ATXN10: variants seen among roughly 807,000 people sequenced by gnomAD.
ATXN10 encodes ataxin-10.
A neutral mutation model predicts 52.9 loss-of-function variants in ATXN10; 28 were observed. The observed-to-expected ratio is 0.53, with a 90% confidence interval of 0.39 to 0.73. The LOEUF (loss-of-function observed/expected upper bound fraction) is 0.73. ATXN10 is among the 30% of genes least tolerant of loss of function. The pLI is 0.00. For missense variants in ATXN10, 565 were observed against 577.0 expected, an observed-to-expected ratio of 0.98 and a Z score of 0.21; for synonymous variants, 226 against 221.5, an observed-to-expected ratio of 1.02 and a Z score of -0.18.
Position 45,727,225 on chromosome 22 carries a change from G to A in ATXN10, c.729-2200G>A, listed in dbSNP as rs1283339278. Among the ~76,000 whole-genome samples the A allele has an allele frequency of 6.6e-6, 1 of 152,050 alleles. No homozygotes were observed. The highest frequency in any genetic ancestry group is 2.4e-5 in the African/African-American group (1 of 41,390). On this transcript the variant is annotated intron_variant, in intron 6 of 11. Coordinates refer to ENST00000252934, the MANE Select transcript of ATXN10 (RefSeq NM_013236.4). The surrounding 1 kb of genome is among the most constrained non-coding windows in gnomAD (Gnocchi z 4.6). ...CAGGAGCAGCTTGTTTAATTTCCGTGTATTTATGTAGTTTTGAGGGTTCCT... is the reference window on the plus strand; with the variant it reads ...CAGGAGCAGCTTGTTTAATTTCCGTATATTTATGTAGTTTTGAGGGTTCCT...
intron 6 of ATXN10, among the ~76,000 whole-genome samples, chr22:45,724,866 A>G (rs1924805531): frequency 6.6e-6 from 1 of 151,978 alleles, no homozygotes; most frequent in Non-Finnish European, 1.5e-5. Flanking sequence ...TCATTTTTCT[A>G]CCTGTGGCTA....
chr22:45,730,889 A>G (rs1925064749), intron 7 of ATXN10, among the ~76,000 whole-genome samples: 2 of 152,188 alleles, frequency 1.3e-5, no homozygotes, highest in Non-Finnish European at 2.9e-5. Context: ...AAAGCTCTTG[A>G]TACATACTTC....
At chr22:45,806,188 AGT>A (rs1398252475) in intron 9 of ATXN10, among the ~76,000 whole-genome samples, 12 of 152,126 alleles carry the variant, frequency 7.9e-5, no homozygotes, top group African/African-American at 2.9e-4. Context: ...AGTGTATGAG[AGT>A]GTCTGTTTCC....
chr22:45,752,116 T>G (rs1310947747), intron 9 of ATXN10, among the ~76,000 whole-genome samples: 1 of 152,230 alleles, frequency 6.6e-6, no homozygotes, highest in Non-Finnish European at 1.5e-5. Context: ...TTGGGAATAT[T>G]TTTTACTCCA....
At position 45,690,107 on chromosome 22, in the gene ATXN10, T is replaced by C. The variant is rs951566685; in HGVS notation, c.308+204T>C. Among the ~76,000 whole-genome samples the C allele has an allele frequency of 6.6e-6, 1 of 151,762 alleles. No individual in the cohort carries two copies. The highest frequency in any genetic ancestry group is 2.4e-5 in the African/African-American group (1 of 41,284). On this transcript the variant is annotated intron_variant, in intron 2 of 11. Transcript: ENST00000252934. The surrounding 1 kb of genome is among the most constrained non-coding windows in gnomAD (Gnocchi z 4.5). ...GGGCAACATGGTGAGACCCTGTCTCTACAAAAAAAATACAAAAAATTAGCT... is the reference window on the plus strand; with the variant it reads ...GGGCAACATGGTGAGACCCTGTCTCCACAAAAAAAATACAAAAAATTAGCT...
rs926233230 is a variant in ATXN10 at position 45,790,092 on chromosome 22, A to G, written c.1174-16867A>G. On this transcript the variant is annotated intron_variant, in intron 9 of 11. Coordinates refer to ENST00000252934, the MANE Select transcript of ATXN10 (RefSeq NM_013236.4). This position sits in a 1 kb window ranked among gnomAD's most constrained non-coding sequence, Gnocchi z 4.7. ...ATCCAAAGATAACATTGCATTTTAA[A>G]TTAAAGTCCAAAGGCATTAAAGTCC... is the stretch of plus-strand genomic sequence containing the variant. Among the ~76,000 whole-genome samples, 1 of 152,212 alleles carries G rather than the reference A, an allele frequency of 6.6e-6. No individual in the cohort carries two copies. Among genetic ancestry groups the G allele is most frequent in the Non-Finnish European group, 1.5e-5 (1 of 68,036 alleles).
At chr22:45,739,466 A>G (rs1925425685) in intron 8 of ATXN10, among the ~76,000 whole-genome samples, 1 of 152,238 alleles carries the variant, frequency 6.6e-6, no homozygotes, top group Admixed American at 6.5e-5. Flanking sequence ...CCTGAGAAAG[A>G]TGACTTTGTG....
chr22:45,671,949 G>T lies in ATXN10; in HGVS notation c.-115G>T, dbSNP rs1031384460. 1 of 1,224,066 alleles carries T rather than the reference G, an allele frequency of 8.2e-7. No homozygotes were observed. The allele number at this position is 1,224,066 out of a possible 1,614,324, so 75.8% of individuals were successfully genotyped here. A position where few individuals can be genotyped will look rare whatever the true frequency, so the allele number is the denominator to read the frequency against. ...GCGGCGGCGGTTAGGGCTGTGTAGG[G>T]CGAGGCCTCCCCCTTCCTCCTCGCC... On this transcript the variant is annotated 5_prime_UTR_variant, in exon 1 of 12. Transcript: ENST00000252934.
In ATXN10 at chr22:45,738,408, A is replaced by C. The variant is rs1381135612; in HGVS notation, c.895-323A>C. On this transcript the variant is annotated intron_variant, in intron 7 of 11. Transcript: ENST00000252934. Reference sequence around the variant, plus strand: ...TTGCATAAATGTCATGTACATAGCTAGTAATTTTGAACATTTATTCCACTG... The same window carrying C: ...TTGCATAAATGTCATGTACATAGCTCGTAATTTTGAACATTTATTCCACTG... 1.0e-5 allele frequency: 3 copies of C among 288,324 alleles called. No individual in the cohort carries two copies. The East Asian group carries it at 2.4e-4, about 23-fold the overall frequency. The allele number at this position is 288,324 out of a possible 1,614,324, so 17.9% of individuals were successfully genotyped here.
rs377125713 is a variant in ATXN10, at chr22:45,809,164, G to A, written c.1237+2142G>A. 7.2e-5 allele frequency among the ~76,000 whole-genome samples: 11 copies of A among 152,102 alleles called. No individual in the cohort carries two copies. In the South Asian group the frequency reaches 8.3e-4, roughly 11 times the overall value. On this transcript the variant is annotated intron_variant, in intron 10 of 11. Transcript: ENST00000252934. ...AGCTATAAATTAAAATCTGGCCTTC[G>A]TAGTACTAAAGTAAATAAGGACATG...
At chr22:45,776,255 C>T (rs1164383265) in intron 9 of ATXN10, among the ~76,000 whole-genome samples, 1 of 152,172 alleles carries the variant, frequency 6.6e-6, no homozygotes, top group African/African-American at 2.4e-5. Flanking sequence ...TCATAAACCA[C>T]CCACTTGTTG....
At position 45,688,515 on chromosome 22, in the gene ATXN10, C is replaced by T. The variant is rs116751672; in HGVS notation, c.117-1197C>T. Among the ~76,000 whole-genome samples, 1,167 of 152,224 alleles carry T rather than the reference C, an allele frequency of 7.7e-3. 13 individuals are homozygous for T. Among genetic ancestry groups the T allele is most frequent in the African/African-American group, 0.027 (1,108 of 41,538 alleles). ...AATAATGTGAGTTCTATTGTCTGTTCGTAAGATAAAAACACACATCACTTG... is the reference window on the plus strand; with the variant it reads ...AATAATGTGAGTTCTATTGTCTGTTTGTAAGATAAAAACACACATCACTTG... On this transcript the variant is annotated intron_variant, in intron 1 of 11. Coordinates refer to ENST00000252934, the MANE Select transcript of ATXN10 (RefSeq NM_013236.4). The surrounding 1 kb of genome is among the most constrained non-coding windows in gnomAD (Gnocchi z 4.0).
intron 6 of ATXN10, 77 bp from the exon 7 acceptor site, chr22:45,729,348 G>A (rs1666517381): frequency 1.4e-6 from 2 of 1,438,372 alleles, no homozygotes; most frequent in African/African-American, 2.8e-5. Context: ...TTCCCTTAAA[G>A]TTGCTTTCCT....
intron 9 of ATXN10, among the ~76,000 whole-genome samples, chr22:45,767,340 T>C (rs1010335955): frequency 6.6e-6 from 1 of 152,110 alleles, no homozygotes; most frequent in African/African-American, 2.4e-5. Context: ...AAAACATTTT[T>C]ATAGTATACT....
chr22:45,839,134 A>G (rs879561736), intron 10 of ATXN10, among the ~76,000 whole-genome samples: 7 of 152,206 alleles, frequency 4.6e-5, no homozygotes, highest in Admixed American at 1.3e-4. Flanking sequence ...GAGGTTTACT[A>G]TTATTGGCTT....
At position 45,790,286 on chromosome 22, in the gene ATXN10, C is replaced by T. The variant is rs1430323385; in HGVS notation, c.1174-16673C>T. On this transcript the variant is annotated intron_variant, in intron 9 of 11. Transcript: ENST00000252934. The surrounding 1 kb of genome is among the most constrained non-coding windows in gnomAD (Gnocchi z 4.7). ...GTCTCTTGCCGGAATGTGTGTGGTT[C>T]TTTCAGGAACACCCAATACCAAACC... is the stretch of plus-strand genomic sequence containing the variant. Among the ~76,000 whole-genome samples, 3 of 152,086 alleles carry T rather than the reference C, an allele frequency of 2.0e-5. No homozygotes were observed. The highest frequency in any genetic ancestry group is 6.6e-5 in the Admixed American group (1 of 15,258).
In ATXN10 at chr22:45,841,808, G is replaced by A. The variant is rs1351275681; in HGVS notation, c.1238-1183G>A. Among the ~76,000 whole-genome samples, 1 of 152,224 alleles carries A rather than the reference G, an allele frequency of 6.6e-6. No individual in the cohort carries two copies. The highest frequency in any genetic ancestry group is 2.4e-5 in the African/African-American group (1 of 41,454). On this transcript the variant is annotated intron_variant, in intron 10 of 11. Transcript: ENST00000252934. This position sits in a 1 kb window ranked among gnomAD's most constrained non-coding sequence, Gnocchi z 5.1. ...AGTTTTCTCTGTGTTCTCATGCCAT[G>A]TTGGGGGAGCTAGAAATGTCTCAGA... is the stretch of plus-strand genomic sequence containing the variant.
At position 45,684,632 on chromosome 22, in the gene ATXN10, G is replaced by A. The variant is rs1923063395; in HGVS notation, c.117-5080G>A. Reference sequence around the variant, plus strand: ...TGTGCACTGGGGGAGTTGAGAGTGTGACAGAGGCTGTTTGGCCATCAGAGC... The same window carrying A: ...TGTGCACTGGGGGAGTTGAGAGTGTAACAGAGGCTGTTTGGCCATCAGAGC... On this transcript the variant is annotated intron_variant, in intron 1 of 11. Transcript: ENST00000252934. The surrounding 1 kb of genome is among the most constrained non-coding windows in gnomAD (Gnocchi z 4.1). Among the ~76,000 whole-genome samples, 1 of 152,128 alleles carries A rather than the reference G, an allele frequency of 6.6e-6. No homozygotes were observed. Among genetic ancestry groups the A allele is most frequent in the African/African-American group, 2.4e-5 (1 of 41,414 alleles).
intron 6 of ATXN10, among the ~76,000 whole-genome samples, chr22:45,724,281 C>T (rs964338401): frequency 3.3e-5 from 5 of 152,108 alleles, no homozygotes; most frequent in African/African-American, 1.2e-4. Flanking sequence ...TTACTTTCCC[C>T]CCAGCATTGT....
Sources: gnomAD v4.1 joint callset for allele counts (sites outside exome capture counted in the v4.1 genomes callset) on GRCh38, gnomAD v4.1.1 for gene constraint, Gnocchi (gnomAD v3.1) non-coding constraint, MANE v1.5 for transcripts, NCBI Gene and HGNC (gene_info 2026-07-23, HGNC 2026-07-21) for gene names.